Variants in TUBD1 observed in about 807,000 individuals in gnomAD.
The protein encoded by TUBD1 is tubulin delta 1.
A neutral mutation model predicts 51.2 loss-of-function variants in TUBD1; 38 were observed. That is an observed-to-expected ratio of 0.74 (90% CI 0.57 to 0.97). The LOEUF is 0.97. TUBD1 is among the 50% of genes least tolerant of loss of function. The pLI is 0.00. For missense variants in TUBD1, 489 were observed against 538.4 expected (o/e 0.91, Z 0.91); for synonymous variants, 169 against 178.2 (o/e 0.95, Z 0.41).
chr17:59,879,748 A>C (rs7211208), intron 4 of TUBD1, among the ~76,000 whole-genome samples: 19,616 of 151,452 alleles, frequency 0.13, 1,511 homozygotes, highest in Middle Eastern at 0.23. Context: ...TTCTCTGAAA[A>C]AAAATTTTTC....
chr17:59,868,944 G>A (rs1034607309), intron 6 of TUBD1, among the ~76,000 whole-genome samples: 3 of 151,808 alleles, frequency 2.0e-5, no homozygotes, highest in African/African-American at 7.3e-5. Flanking sequence ...TTGAGCCCAG[G>A]AGTTTGAGGC....
At chr17:59,864,545 A>G (rs1413103781) in intron 7 of TUBD1, among the ~76,000 whole-genome samples, 2 of 152,106 alleles carry the variant, frequency 1.3e-5, no homozygotes, top group Non-Finnish European at 2.9e-5. Context: ...GTCTGTCACC[A>G]GGCTGGTGTG....
At position 59,874,188 on chromosome 17, in the gene TUBD1, C is replaced by CAA. The variant is rs78920820; in HGVS notation, c.934+349_934+350dup. ...TGGGCGACAGAGCAAGACTCAGTCT[C>CAA]AAAAAAAAAAAAAAAAAAAAATTGA... On this transcript the variant is annotated intron_variant, in intron 6 of 8. Coordinates refer to ENST00000325752, the MANE Select transcript of TUBD1 (RefSeq NM_016261.4). 3.6e-3 allele frequency among the ~76,000 whole-genome samples: 254 copies of CAA among 70,366 alleles called. 4 individuals carry two copies. The highest frequency in any genetic ancestry group is 5.3e-3 in the Non-Finnish European group (187 of 35,498). The allele number at this position is 70,366 out of a possible 152,430, so 46.2% of individuals were successfully genotyped here.
chr17:59,874,801 G>A (rs927337143), intron 5 of TUBD1, 98 bp from the exon 6 acceptor site: 1 of 965,594 alleles, frequency 1.0e-6, no homozygotes, highest in African/African-American at 1.7e-5. Context: ...TGGGCCAAAT[G>A]TTTTTTCTCT....
chr17:59,866,110 CAAA>C (rs1191579900), intron 7 of TUBD1, among the ~76,000 whole-genome samples: 5 of 76,218 alleles, frequency 6.6e-5, no homozygotes, highest in Non-Finnish European at 8.8e-5. Flanking sequence ...GACCCCGTCT[CAAA>C]AAAAAAAAAA....
rs181012829 is a variant in TUBD1, at chr17:59,874,518, T to C, written c.934+21A>G. The C allele has an allele frequency of 3.4e-4, 546 of 1,605,138 alleles. 2 individuals are homozygous for C. In the African/African-American group the frequency reaches 6.7e-3, roughly 20 times the overall value. ...CATTTTTTCCAGCTTGTGGGCTGCA[T>C]ATTTTTGGACTACTCTTTACCTTCT... On this transcript the variant is annotated intron_variant, in intron 6 of 8. Coordinates refer to ENST00000325752, the MANE Select transcript of TUBD1 (RefSeq NM_016261.4).
At chr17:59,875,434 T>C (rs2040183011) in intron 5 of TUBD1, among the ~76,000 whole-genome samples, 1 of 151,832 alleles carries the variant, frequency 6.6e-6, no homozygotes, top group Admixed American at 6.6e-5. Flanking sequence ...GGTTAGGTGA[T>C]AATCAAACCC....
At chr17:59,885,471 G>A in intron 3 of TUBD1, 4 of 1,573,600 alleles carry the variant, frequency 2.5e-6, no homozygotes, top group Non-Finnish European at 3.5e-6. Context: ...TGGGACCAAA[G>A]CAGTATCCTT....
Position 59,880,893 on chromosome 17 carries a change from C to A in TUBD1, c.537+1G>T, listed in dbSNP as rs1346555348. ...AAACTTTTCAATTAACATGTCCATA[C>A]CTCACCAGTTCCATAAGGCCAAATA... On this transcript the variant is annotated splice_donor_variant, in intron 4 of 8. Transcript: ENST00000325752. LOFTEE classifies it high-confidence loss of function. 3 of 1,611,124 alleles carry A rather than the reference C, an allele frequency of 1.9e-6. No individual in the cohort carries two copies. Among genetic ancestry groups the A allele is most frequent in the Non-Finnish European group, 2.5e-6 (3 of 1,177,310 alleles).
intron 4 of TUBD1, among the ~76,000 whole-genome samples, chr17:59,880,044 C>T (rs965149371): frequency 2.6e-5 from 4 of 151,938 alleles, no homozygotes; most frequent in East Asian, 1.9e-4. Context: ...TGAGCCACTG[C>T]GCCCAGCCAT....
At chr17:59,886,398 G>T in intron 2 of TUBD1, 168 bp from the exon 3 acceptor site, 1 of 641,582 alleles carries the variant, frequency 1.6e-6, no homozygotes, top group Non-Finnish European at 2.6e-6. Flanking sequence ...GTGGGCAGCA[G>T]CAGGCATATG....
At chr17:59,891,070 A>G in intron 1 of TUBD1, 29 bp from the exon 2 acceptor site, 1 of 1,185,612 alleles carries the variant, frequency 8.4e-7, no homozygotes, top group Non-Finnish European at 1.2e-6. Flanking sequence ...CGCTTTGAGA[A>G]CCACTACATT....
At chr17:59,887,111 G>C (rs759178173) in intron 2 of TUBD1, among the ~76,000 whole-genome samples, 1 of 151,942 alleles carries the variant, frequency 6.6e-6, no homozygotes, top group Non-Finnish European at 1.5e-5. Context: ...GCTTGATCCC[G>C]GGAGGTGGAG....
At chr17:59,879,972 C>T (rs183445267) in intron 4 of TUBD1, among the ~76,000 whole-genome samples, 10 of 151,922 alleles carry the variant, frequency 6.6e-5, no homozygotes, top group South Asian at 2.1e-4. Flanking sequence ...AGGGTGATCT[C>T]GAACTTCTGA....
chr17:59,878,143 A>AT lies in TUBD1; in HGVS notation c.728dup (p.Tyr243Ter), dbSNP rs1246146137. 3 of 1,614,194 alleles carry AT rather than the reference A, an allele frequency of 1.9e-6. No individual in the cohort carries two copies. The highest frequency in any genetic ancestry group is 2.2e-5 in the East Asian group (1 of 44,880). Reference sequence around the variant, plus strand: ...TGTAGTGAAATGAGCTTTCTGCAGAATAAGTAGGCTGGAACACACTTCCCA... The same window carrying AT: ...TGTAGTGAAATGAGCTTTCTGCAGAATTAAGTAGGCTGGAACACACTTCCCA... Reference protein sequence around the residue: ...HQLGSVFQPTYSAESSFHYRR... With the variant: ...HQLGSVFQPT Residue 243 changes from tyrosine (Y) to a stop codon, truncating the protein, a stop_gained and frameshift_variant, in exon 5 of 9, where the codon TAT becomes TAAT. Transcript: ENST00000325752. LOFTEE classifies it high-confidence loss of function.
At position 59,874,584 on chromosome 17, in the gene TUBD1, TGAG is replaced by T. The variant is rs2040141705; in HGVS notation, c.886_888del (p.Leu296del). 6.2e-7 allele frequency: 1 copy of T among 1,613,306 alleles called. No homozygotes were observed. The highest frequency in any genetic ancestry group is 1.7e-5 in the Admixed American group (1 of 59,778). ...GAAATGAGCATCTGTCTCAAATGCT[TGAG>T]GAGGCCAGCCCAAGTAAATGTGGTG... On this transcript the variant is annotated inframe_deletion, in exon 6 of 9. Coordinates refer to ENST00000325752, the MANE Select transcript of TUBD1 (RefSeq NM_016261.4).
intron 3 of TUBD1, among the ~76,000 whole-genome samples, chr17:59,883,212 C>T (rs2144550457): frequency 6.6e-6 from 1 of 151,422 alleles, no homozygotes; most frequent in Middle Eastern, 3.4e-3. Flanking sequence ...TCTTCTGCCT[C>T]AGCCTCCCAA....
chr17:59,878,412 C>A (rs1313764188), intron 4 of TUBD1, 78 bp from the exon 5 acceptor site: 4 of 1,060,806 alleles, frequency 3.8e-6, no homozygotes, highest in Non-Finnish European at 5.7e-6. Flanking sequence ...GGCATCCTGG[C>A]AGGGTTCAAA....
intron 6 of TUBD1, among the ~76,000 whole-genome samples, chr17:59,868,283 CAAAAAAAAAA>C (rs11401623): frequency 4.1e-5 from 2 of 49,142 alleles, no homozygotes; most frequent in African/African-American, 1.5e-4. Context: ...GACTCCATGT[CAAAAAAAAAA>C]AAAAAAAAAA....
Sources: gnomAD v4.1 joint callset for allele counts (sites outside exome capture counted in the v4.1 genomes callset) on GRCh38, gnomAD v4.1.1 for gene constraint, MANE v1.5 for transcripts, NCBI Gene and HGNC (gene_info 2026-07-23, HGNC 2026-07-21) for gene names.